POSTN: variants seen among roughly 807,000 people sequenced by gnomAD.
POSTN encodes periostin, also known as osteoblast specific factor 2 (fasciclin I-like).
POSTN carries 71 observed loss-of-function variants against 104.5 expected under a neutral mutation model. The ratio of observed to expected loss-of-function variants is 0.68; its 90% confidence interval spans 0.56 to 0.83. The LOEUF (loss-of-function observed/expected upper bound fraction) is 0.83. Ranked by LOEUF, POSTN falls within the 40% of genes least tolerant of loss-of-function variation. The probability of loss-of-function intolerance (pLI) is 0.00; values close to 1 mark genes in which losing one functional copy is unlikely to be tolerated. For synonymous variants in POSTN, 355 were observed against 340.7 expected (o/e 1.04, Z -0.46); for missense variants, 949 against 1,006.8 (o/e 0.94, Z 0.78).
chr13:37,569,136 C>G, intron 21 of POSTN, 164 bp downstream of exon 21: 1 of 511,274 alleles, frequency 2.0e-6, no homozygotes, highest in East Asian at 3.2e-5. Context: ...TTCTTCATAA[C>G]TATTAACTAC....
At chr13:37,589,497 C>G (rs533949997) in intron 4 of POSTN, among the ~76,000 whole-genome samples, 82 of 151,872 alleles carry the variant, frequency 5.4e-4, no homozygotes, top group African/African-American at 1.9e-3. Context: ...ATCCCTCCCC[C>G]CTCCTCCCAC....
At position 37,580,491 on chromosome 13, in the gene POSTN, G is replaced by C. The variant is rs1950547237; in HGVS notation, c.1529+70C>G. 1.9e-6 allele frequency: 3 copies of C among 1,547,740 alleles called. No homozygotes were observed. The East Asian group carries it at 6.8e-5, about 35-fold the overall frequency. On this transcript the variant is annotated intron_variant, in intron 11 of 22. Coordinates refer to ENST00000379747, the MANE Select transcript of POSTN (RefSeq NM_006475.3). ...ACATAGGAGACTGAATGCCTTTTGG[G>C]ATACCGCCTATGAAACAAAAATATG...
intron 16 of POSTN, 101 bp downstream of exon 16, chr13:37,577,652 A>G (rs943750607): frequency 6.8e-7 from 1 of 1,464,724 alleles, no homozygotes; most frequent in East Asian, 2.4e-5. Flanking sequence ...TTGGAATTCT[A>G]AATACCAGAT....
At chr13:37,568,868 A>C (rs982023345) in intron 21 of POSTN, 1 of 152,416 alleles carries the variant, frequency 6.6e-6, no homozygotes, top group African/African-American at 2.4e-5. Flanking sequence ...TACTAAATGC[A>C]CTATTTTTGG....
intron 15 of POSTN, 41 bp from the exon 16 acceptor site, chr13:37,577,839 A>G: frequency 6.2e-7 from 1 of 1,610,680 alleles, no homozygotes. Flanking sequence ...GAAAGGTGAT[A>G]GTTGTGTTAA....
chr13:37,571,285 C>A, intron 18 of POSTN, 84 bp downstream of exon 18: 1 of 877,462 alleles, frequency 1.1e-6, no homozygotes. Context: ...GAGAAAATAT[C>A]AGATGTTCAA....
In POSTN at chr13:37,584,055, TC is replaced by T. The variant is rs777758115; in HGVS notation, c.1156del (p.Asp386IlefsTer6). On this transcript the variant is annotated frameshift_variant, in exon 9 of 23. Coordinates refer to ENST00000379747, the MANE Select transcript of POSTN (RefSeq NM_006475.3). LOFTEE classifies it high-confidence loss of function. Reference protein sequence around the residue: ...LAGKQQTTFTDLVAQLGLASA... With the variant: ...LAGKQQTTFTXLVAQLGLASA... ...TGCCAAGCCTAATTGGGCCACAAGA[TC>T]CGTGAAGGTGGTTTGCTGTTTTCCA... 6.2e-7 allele frequency: 1 copy of T among 1,613,964 alleles called. No individual in the cohort carries two copies. Among genetic ancestry groups the T allele is most frequent in the East Asian group, 2.2e-5 (1 of 44,866 alleles).
At chr13:37,563,403 TA>T in intron 22 of POSTN, 33 bp from the exon 23 acceptor site, 1 of 1,420,084 alleles carries the variant, frequency 7.0e-7, no homozygotes, top group Non-Finnish European at 9.6e-7. Context: ...GTATAGACTG[TA>T]AATGTTAGGA....
rs1950695916 is a variant in POSTN at position 37,584,740 on chromosome 13, C to A, written c.1084G>T (p.Asp362Tyr). The A allele has an allele frequency of 6.2e-7, 1 of 1,613,730 alleles. No homozygotes were observed. The highest frequency in any genetic ancestry group is 8.5e-7 in the Non-Finnish European group (1 of 1,179,766). ...CCAGAATCAGGAATTAGGACCTGATCAATCAAATGGATCACACCATTATTT... is the reference window on the plus strand; with the variant it reads ...CCAGAATCAGGAATTAGGACCTGATAAATCAAATGGATCACACCATTATTT... ...VTNNGVIHLI[D>Y]QVLIPDSAKQ... Residue 362 changes from aspartate to tyrosine, a missense_variant, in exon 8 of 23, where the codon GAT (aspartate) becomes TAT (tyrosine). Physicochemically the swap from Asp to Tyr is radical, Grantham distance 160. Transcript: ENST00000379747.
chr13:37,577,617 C>G (rs1950446598), intron 16 of POSTN, 136 bp downstream of exon 16: 1 of 1,363,592 alleles, frequency 7.3e-7, no homozygotes, highest in Admixed American at 3.0e-5. Flanking sequence ...ATCCTTTTTT[C>G]AAGTGAAATG....
At chr13:37,565,270 C>G (rs970151032) in intron 21 of POSTN, 1 of 151,820 alleles carries the variant, frequency 6.6e-6, no homozygotes, top group Admixed American at 6.6e-5. Context: ...CTCAATTTTC[C>G]TGTTTTTCTT....
intron 16 of POSTN, among the ~76,000 whole-genome samples, 165 bp from the exon 17 acceptor site, chr13:37,574,817 A>T (rs1950360610): frequency 6.6e-6 from 1 of 151,830 alleles, no homozygotes; most frequent in Admixed American, 6.6e-5. Context: ...TACATAATAT[A>T]ATATCTTCTC....
chr13:37,588,623 G>C (rs1022802559), intron 4 of POSTN, among the ~76,000 whole-genome samples: 1 of 152,164 alleles, frequency 6.6e-6, no homozygotes, highest in Non-Finnish European at 1.5e-5. Context: ...AAGTAGTTTG[G>C]AGATAGACCA....
At chr13:37,568,714 A>C (rs1039005745) in intron 21 of POSTN, 4 of 151,842 alleles carry the variant, frequency 2.6e-5, no homozygotes, top group Admixed American at 2.0e-4. Context: ...GGTTCATTTA[A>C]TGCCACAGAC....
At chr13:37,591,984 A>C in intron 3 of POSTN, 116 bp downstream of exon 3, 4 of 598,094 alleles carry the variant, frequency 6.7e-6, no homozygotes, top group Non-Finnish European at 9.0e-6. Flanking sequence ...GGAGGGATAT[A>C]TCTTGGATTT....
chr13:37,598,485 A>G (rs1219656727), intron 1 of POSTN, 123 bp downstream of exon 1: 7 of 830,130 alleles, frequency 8.4e-6, no homozygotes, highest in East Asian at 8.1e-5. Flanking sequence ...TTTTTTTCCT[A>G]TTACTTTATA....
At chr13:37,594,082 C>T (rs1413901452) in intron 2 of POSTN, among the ~76,000 whole-genome samples, 1 of 151,936 alleles carries the variant, frequency 6.6e-6, no homozygotes, top group African/African-American at 2.4e-5. Context: ...TTATGCAAAT[C>T]ATAATAGAGC....
intron 2 of POSTN, among the ~76,000 whole-genome samples, chr13:37,593,991 C>G (rs1317388639): frequency 6.6e-6 from 1 of 151,586 alleles, no homozygotes; most frequent in Non-Finnish European, 1.5e-5. Context: ...ATGGGAAATA[C>G]CCACTTCAAG....
intron 17 of POSTN, among the ~76,000 whole-genome samples, chr13:37,573,777 A>T (rs552837730): frequency 1.3e-5 from 2 of 151,586 alleles, no homozygotes; most frequent in Non-Finnish European, 3.0e-5. Flanking sequence ...GAAATCTTAA[A>T]AAATTTAAAT....
Sources: gnomAD v4.1 joint callset for allele counts (sites outside exome capture counted in the v4.1 genomes callset) on GRCh38, gnomAD v4.1.1 for gene constraint, MANE v1.5 for transcripts, NCBI Gene and HGNC (gene_info 2026-07-23, HGNC 2026-07-21) for gene names.